Variants in RIN3 observed in about 807,000 individuals in gnomAD.
The protein encoded by RIN3 is RAB5 interacting protein 3.
In RIN3, 54 loss-of-function variants were observed where a neutral mutation model predicts 76.3. That is an observed-to-expected ratio of 0.71 (90% confidence interval 0.57 to 0.89). The LOEUF is 0.89. RIN3 is among the 40% of genes least tolerant of loss of function. The pLI is 0.00. For synonymous variants in RIN3, 576 were observed against 564.0 expected (o/e 1.02, Z -0.30); for missense variants, 1,256 against 1,322.1 (o/e 0.95, Z 0.78).
At chr14:92,607,650 C>G (rs1885575908) in intron 3 of RIN3, among the ~76,000 whole-genome samples, 1 of 152,138 alleles carries the variant, frequency 6.6e-6, no homozygotes, top group Admixed American at 6.5e-5. Context: ...ACCACATGAC[C>G]CAGCAATTTC....
At chr14:92,581,785 A>G (rs1056193484) in intron 3 of RIN3, among the ~76,000 whole-genome samples, 3 of 152,210 alleles carry the variant, frequency 2.0e-5, no homozygotes, top group African/African-American at 7.2e-5. Flanking sequence ...GCTCAAAACT[A>G]TTGCAATAAA....
intron 1 of RIN3, among the ~76,000 whole-genome samples, chr14:92,532,084 A>G (rs1332405111): frequency 6.6e-6 from 1 of 152,060 alleles, no homozygotes; most frequent in Non-Finnish European, 1.5e-5. Flanking sequence ...GCATGCCAGC[A>G]TGCCAGGCTC....
At chr14:92,571,741 G>A (rs770329770) in intron 2 of RIN3, among the ~76,000 whole-genome samples, 8 of 152,152 alleles carry the variant, frequency 5.3e-5, no homozygotes, top group African/African-American at 9.7e-5. Flanking sequence ...TTGATAATCC[G>A]ATAGGACAAC....
chr14:92,620,896 T>C (rs527746162), intron 4 of RIN3, among the ~76,000 whole-genome samples: 2 of 152,334 alleles, frequency 1.3e-5, no homozygotes, highest in South Asian at 4.1e-4. Context: ...ACTCCAGCAC[T>C]ATCCATGCAA....
In RIN3 at chr14:92,525,673, G is replaced by A. The variant is rs1896709866; in HGVS notation, c.44+11697G>A. Among the ~76,000 whole-genome samples the A allele has an allele frequency of 2.0e-5, 3 of 152,264 alleles. No homozygotes were observed. The South Asian group carries it at 6.2e-4, about 32-fold the overall frequency. On this transcript the variant is annotated intron_variant, in intron 1 of 9. Transcript: ENST00000216487. ...GGTCCAGCCACAGGAACAGTGCAGG[G>A]TCGGCCACAGTGTTGGGGAGGTGCC...
rs769566189 is a variant in RIN3 at position 92,687,612 on chromosome 14, G to GGAAT, written c.2632-295_2632-292dup. 7.3e-4 allele frequency: 303 copies of GGAAT among 414,964 alleles called. 1 individual carries two copies. The highest frequency in any genetic ancestry group is 4.1e-3 in the African/African-American group (193 of 46,578). The allele number at this position is 414,964 out of a possible 1,614,324, so 25.7% of individuals were successfully genotyped here. A position where few individuals can be genotyped will look rare whatever the true frequency, so the allele number is the denominator to read the frequency against. ...AACTCACCTGGAGGGAGGGAGGGAG[G>GGAAT]GAATGAATGAATGAATGAATGATGG... is the stretch of plus-strand genomic sequence containing the variant. On this transcript the variant is annotated intron_variant, in intron 9 of 9. Transcript: ENST00000216487.
intron 4 of RIN3, among the ~76,000 whole-genome samples, chr14:92,632,064 A>G (rs1886605919): frequency 6.6e-6 from 1 of 152,124 alleles, no homozygotes; most frequent in South Asian, 2.1e-4. Flanking sequence ...GAGTGGGAGA[A>G]GCCCAGTGAG....
chr14:92,612,615 C>T (rs1023750522), intron 3 of RIN3, among the ~76,000 whole-genome samples: 4 of 152,244 alleles, frequency 2.6e-5, no homozygotes, highest in African/African-American at 9.6e-5. Context: ...ATGGACCAAA[C>T]CCTGCCCCAG....
intron 5 of RIN3, 25 bp downstream of exon 5, chr14:92,641,354 G>A (rs572381629): frequency 1.5e-5 from 24 of 1,569,656 alleles, no homozygotes; most frequent in Admixed American, 1.0e-4. Flanking sequence ...AGGGGTTAGG[G>A]GAGCTGGTGG....
chr14:92,538,700 C>T (rs558825104), intron 1 of RIN3, among the ~76,000 whole-genome samples: 1 of 152,312 alleles, frequency 6.6e-6, no homozygotes, highest in East Asian at 1.9e-4. Flanking sequence ...TCTCTAAATA[C>T]ACCTGCACAC....
chr14:92,536,329 A>G (rs1275667870), intron 1 of RIN3, among the ~76,000 whole-genome samples: 2 of 152,194 alleles, frequency 1.3e-5, no homozygotes, highest in Non-Finnish European at 2.9e-5. Context: ...CATGGACAAG[A>G]TCTGTCCTTC....
chr14:92,594,920 G>A (rs1249944485), intron 3 of RIN3, among the ~76,000 whole-genome samples: 1 of 152,206 alleles, frequency 6.6e-6, no homozygotes, highest in African/African-American at 2.4e-5. Flanking sequence ...CCTGGACACT[G>A]AGCAACATGT....
chr14:92,527,558 T>C (rs1029251075), intron 1 of RIN3, among the ~76,000 whole-genome samples: 45 of 152,142 alleles, frequency 3.0e-4, no homozygotes, highest in African/African-American at 1.0e-3. Flanking sequence ...TCACTCTCTT[T>C]AGTGTACGTT....
intron 2 of RIN3, among the ~76,000 whole-genome samples, chr14:92,567,772 T>A (rs1897955422): frequency 1.3e-5 from 2 of 148,640 alleles, no homozygotes; most frequent in Non-Finnish European, 3.0e-5. Flanking sequence ...GCTCTTTGAG[T>A]CCTTTGTCCT....
chr14:92,555,594 A>T (rs914762229), intron 1 of RIN3, among the ~76,000 whole-genome samples, 157 bp from the exon 2 acceptor site: 1 of 151,976 alleles, frequency 6.6e-6, no homozygotes, highest in Admixed American at 6.6e-5. Context: ...GCACCCTAAG[A>T]TGAAGACCAT....
chr14:92,553,948 C>T (rs1395083450), intron 1 of RIN3, among the ~76,000 whole-genome samples: 2 of 152,114 alleles, frequency 1.3e-5, no homozygotes, highest in Non-Finnish European at 2.9e-5. Context: ...ACAGGGCTTA[C>T]CCTGGCCTCG....
At chr14:92,573,491 C>CG (rs1217408410) in intron 2 of RIN3, among the ~76,000 whole-genome samples, 18 of 3,218 alleles carry the variant, frequency 5.6e-3, no homozygotes, top group African/African-American at 0.015. Context: ...GTTGGTCACA[C>CG]GGGGGGCCGA....
intron 7 of RIN3, among the ~76,000 whole-genome samples, chr14:92,669,983 C>T (rs1280400442): frequency 1.3e-5 from 2 of 152,168 alleles, no homozygotes; most frequent in African/African-American, 4.8e-5. Context: ...GCAGCCTCAA[C>T]CTCCTGAGCT....
At chr14:92,617,381 G>A (rs1431996753) in intron 4 of RIN3, among the ~76,000 whole-genome samples, 2 of 151,836 alleles carry the variant, frequency 1.3e-5, no homozygotes, top group African/African-American at 2.4e-5. Flanking sequence ...AGGTGAGAAC[G>A]TGACCAAAAC....
Sources: allele counts gnomAD v4.1 joint callset (sites outside exome capture counted in the v4.1 genomes callset), GRCh38; gene constraint gnomAD v4.1.1; transcripts MANE v1.5; gene names NCBI Gene and HGNC (gene_info 2026-07-23, HGNC 2026-07-21).